The following PCDH11Y variants were observed in gnomAD, a reference collection of about 807,000 sequenced individuals.
PCDH11Y encodes the protein protocadherin 11 Y-linked.
For synonymous variants in PCDH11Y, 9 were observed against 83.6 expected (o/e 0.11, Z 4.87); for missense variants, 12 against 224.8 (o/e 0.05, Z 6.05).
chrY:5,061,190 A>T, intron 1 of PCDH11Y, among the ~76,000 whole-genome samples: 1 of 32,784 alleles, frequency 3.1e-5, no homozygotes, highest in African/African-American at 1.2e-4. Context: ...AAAAAAAATC[A>T]TCTATAAGAG....
Position 5,418,595 on chromosome Y carries a change from C to A in PCDH11Y, c.3130-82462C>A. Among the ~76,000 whole-genome samples the A allele has an allele frequency of 1.5e-4, 5 of 32,893 alleles. No individual in the cohort carries two copies. In the South Asian group the frequency reaches 3.4e-3, roughly 22 times the overall value. The allele number at this position is 32,893 out of a possible 37,273, so 88.2% of individuals were successfully genotyped here. On this transcript the variant is annotated intron_variant, in intron 2 of 4. Transcript: ENST00000400457. ...ATGGTTATCTTGCCATCGTTGAAGA[C>A]CTTCAAATCTACAGTCTGAAGCAAA...
chrY:5,390,576 ATTTAAATGCTT>A (rs2053220277), intron 2 of PCDH11Y, among the ~76,000 whole-genome samples: 1 of 33,728 alleles, frequency 3.0e-5, no homozygotes, highest in Admixed American at 2.8e-4. Context: ...TCTGTATGAT[ATTTAAATGCTT>A]AAGGATGACT....
chrY:5,477,392 T>C, intron 2 of PCDH11Y, among the ~76,000 whole-genome samples: 1 of 30,769 alleles, frequency 3.3e-5, no homozygotes. Context: ...CTTTTTGATG[T>C]GTTGCTGGAT....
intron 2 of PCDH11Y, among the ~76,000 whole-genome samples, chrY:5,276,222 C>T (rs1602898250): frequency 3.0e-5 from 1 of 33,042 alleles, no homozygotes; most frequent in South Asian, 6.7e-4. Context: ...AGTTTCATCA[C>T]TAAGATTGTA....
At chrY:5,525,814 A>G in intron 3 of PCDH11Y, among the ~76,000 whole-genome samples, 1 of 31,630 alleles carries the variant, frequency 3.2e-5, no homozygotes, top group Non-Finnish European at 7.7e-5. Flanking sequence ...AGTTCACACA[A>G]TCTTGCATCT....
chrY:5,008,823 A>G, intron 1 of PCDH11Y, among the ~76,000 whole-genome samples: 1 of 31,056 alleles, frequency 3.2e-5, no homozygotes, highest in East Asian at 8.3e-4. Context: ...TGAAAAGCTT[A>G]TATTCTAATA....
chrY:5,415,906 C>T, intron 2 of PCDH11Y, among the ~76,000 whole-genome samples: 1 of 31,901 alleles, frequency 3.1e-5, no homozygotes, highest in Non-Finnish European at 7.6e-5. Context: ...CATCCCTTTC[C>T]TAGGAGTCTG....
intron 2 of PCDH11Y, among the ~76,000 whole-genome samples, chrY:5,244,926 A>T: frequency 3.0e-5 from 1 of 33,548 alleles, no homozygotes; most frequent in Non-Finnish European, 7.4e-5. Flanking sequence ...GGAGCCAGGG[A>T]GGCTGGATGG....
At chrY:5,698,989 GT>G (rs2053574825) in intron 4 of PCDH11Y, among the ~76,000 whole-genome samples, 1 of 33,257 alleles carries the variant, frequency 3.0e-5, no homozygotes, top group Non-Finnish European at 7.4e-5. Flanking sequence ...TTTGGATGGA[GT>G]TTTTGTGGGG....
chrY:5,695,260 A>G (rs2053571091), intron 4 of PCDH11Y, among the ~76,000 whole-genome samples: 1 of 31,568 alleles, frequency 3.2e-5, no homozygotes, highest in Non-Finnish European at 7.7e-5. Flanking sequence ...ATCTTGTCTT[A>G]TATAACTGTT....
chrY:5,688,768 C>CT (rs2053565560), intron 4 of PCDH11Y, among the ~76,000 whole-genome samples: 1 of 33,121 alleles, frequency 3.0e-5, no homozygotes. Context: ...TGATGTCTTC[C>CT]TTTTTTTAAC....
intron 2 of PCDH11Y, among the ~76,000 whole-genome samples, chrY:5,192,314 A>G: frequency 3.1e-5 from 1 of 31,794 alleles, no homozygotes; most frequent in African/African-American, 1.2e-4. Context: ...TGAGCGTTCA[A>G]CCTTCCCAGA....
intron 1 of PCDH11Y, among the ~76,000 whole-genome samples, chrY:5,069,983 A>G (rs1602856197): frequency 3.6e-4 from 12 of 33,273 alleles, no homozygotes; most frequent in Admixed American, 1.1e-3. Flanking sequence ...AATCGATACC[A>G]TTGATTTGGG....
At chrY:5,605,778 G>A in intron 4 of PCDH11Y, among the ~76,000 whole-genome samples, 1 of 30,591 alleles carries the variant, frequency 3.3e-5, no homozygotes, top group Non-Finnish European at 7.9e-5. Context: ...CCCCCAGCTG[G>A]GTGCACAATT....
intron 2 of PCDH11Y, among the ~76,000 whole-genome samples, chrY:5,492,806 T>G: frequency 6.1e-5 from 2 of 32,524 alleles, no homozygotes; most frequent in Non-Finnish European, 1.5e-4. Flanking sequence ...ACTTCAATGT[T>G]TTTTAAATGT....
intron 2 of PCDH11Y, among the ~76,000 whole-genome samples, chrY:5,138,638 T>C: frequency 3.1e-5 from 1 of 32,419 alleles, no homozygotes; most frequent in Admixed American, 2.8e-4. Flanking sequence ...CTACAAAAAC[T>C]AGGAAATCTA....
At chrY:5,202,712 C>T in intron 2 of PCDH11Y, among the ~76,000 whole-genome samples, 2 of 32,665 alleles carry the variant, frequency 6.1e-5, no homozygotes, top group Non-Finnish European at 1.5e-4. Flanking sequence ...ACAACATACA[C>T]CAAGAGCTGC....
intron 2 of PCDH11Y, among the ~76,000 whole-genome samples, chrY:5,224,413 C>T (rs2563163): frequency 6.6e-5 from 2 of 30,519 alleles, no homozygotes; most frequent in African/African-American, 2.6e-4. Context: ...AATAGCTTCA[C>T]GGCTTGCAGC....
chrY:5,535,378 C>T (rs2053398998), intron 3 of PCDH11Y, among the ~76,000 whole-genome samples: 1 of 31,395 alleles, frequency 3.2e-5, no homozygotes, highest in Non-Finnish European at 7.7e-5. Context: ...GTCTTTTATC[C>T]CTCACTCCCC....
Sources: allele counts gnomAD v4.1 joint callset (sites outside exome capture counted in the v4.1 genomes callset), GRCh38; gene constraint gnomAD v4.1.1; transcripts MANE v1.5; gene names NCBI Gene and HGNC (gene_info 2026-07-23, HGNC 2026-07-21).